CDK14: variants seen among roughly 807,000 people sequenced by gnomAD.
CDK14 encodes the protein cyclin-dependent kinase 14.
In CDK14, 34 loss-of-function variants were observed where a neutral mutation model predicts 60.7. The ratio of observed to expected loss-of-function variants is 0.56; its 90% CI spans 0.43 to 0.75. The LOEUF is 0.75. Ranked by LOEUF, CDK14 falls within the 30% of genes least tolerant of loss-of-function variation. CDK14 has a pLI of 0.00. For synonymous variants in CDK14, 197 were observed against 203.7 expected, an observed-to-expected ratio of 0.97 and a Z score of 0.28; for missense variants, 482 against 564.1, an observed-to-expected ratio of 0.85 and a Z score of 1.47.
chr7:91,073,556 A>T (rs1400775486), intron 11 of CDK14, among the ~76,000 whole-genome samples: 1 of 152,182 alleles, frequency 6.6e-6, no homozygotes, highest in Non-Finnish European at 1.5e-5. Context: ...AACACACCAA[A>T]ATATAAAGAC....
At chr7:90,781,766 A>G (rs1330667697) in intron 4 of CDK14, among the ~76,000 whole-genome samples, 1 of 151,570 alleles carries the variant, frequency 6.6e-6, no homozygotes, top group Non-Finnish European at 1.5e-5. Context: ...GTTCTGTTCC[A>G]TTGATCTATA....
intron 4 of CDK14, among the ~76,000 whole-genome samples, chr7:90,750,771 G>T (rs1229345998): frequency 6.6e-6 from 1 of 152,026 alleles, no homozygotes; most frequent in Non-Finnish European, 1.5e-5. Context: ...TACTCCAGAG[G>T]CTGAGGCATG....
chr7:90,862,940 G>A (rs956021116), intron 5 of CDK14, among the ~76,000 whole-genome samples: 2 of 152,142 alleles, frequency 1.3e-5, no homozygotes, highest in African/African-American at 4.8e-5. Context: ...AGCTTGTCAG[G>A]AGGCTGAAGA....
chr7:90,852,146 C>T (rs1562798532), intron 5 of CDK14, among the ~76,000 whole-genome samples: 1 of 152,166 alleles, frequency 6.6e-6, no homozygotes, highest in Non-Finnish European at 1.5e-5. Context: ...GTCCTCCCAC[C>T]TCCACCTTTC....
chr7:90,756,395 T>G (rs1804059052), intron 4 of CDK14, among the ~76,000 whole-genome samples: 1 of 152,232 alleles, frequency 6.6e-6, no homozygotes, highest in South Asian at 2.1e-4. Context: ...TATGCCTGAA[T>G]AAAAGAAAGA....
chr7:91,137,723 T>G (rs1800329846), intron 14 of CDK14, among the ~76,000 whole-genome samples: 2 of 150,344 alleles, frequency 1.3e-5, no homozygotes, highest in South Asian at 4.3e-4. Flanking sequence ...TGTATGTGTG[T>G]GTGTGTGTGT....
chr7:90,671,329 A>G (rs1801094922), intron 2 of CDK14, among the ~76,000 whole-genome samples: 1 of 151,676 alleles, frequency 6.6e-6, no homozygotes. Context: ...TTACTGAGCC[A>G]CCATCTCCCT....
chr7:91,118,037 A>T, intron 13 of CDK14, 28 bp from the exon 14 acceptor site: 1 of 1,293,882 alleles, frequency 7.7e-7, no homozygotes, highest in Non-Finnish European at 1.1e-6. Flanking sequence ...ATAACTATAT[A>T]AATGAAAACT....
intron 3 of CDK14, among the ~76,000 whole-genome samples, chr7:90,744,661 C>T (rs1213523145): frequency 1.1e-4 from 17 of 148,430 alleles, no homozygotes; most frequent in South Asian, 2.1e-4. Context: ...ACCTCCCTCC[C>T]GGACGGGGCG....
At chr7:91,107,001 G>A (rs1799323530) in intron 12 of CDK14, among the ~76,000 whole-genome samples, 1 of 152,216 alleles carries the variant, frequency 6.6e-6, no homozygotes, top group African/African-American at 2.4e-5. Context: ...CTAGGACACA[G>A]GAGAATCAAA....
chr7:90,632,699 A>T (rs1343206990), intron 2 of CDK14: 1 of 152,242 alleles, frequency 6.6e-6, no homozygotes, highest in African/African-American at 2.4e-5. Flanking sequence ...TAAAAGCTTT[A>T]CTTGTTTTAA....
At chr7:91,061,761 G>C (rs900423465) in intron 11 of CDK14, among the ~76,000 whole-genome samples, 3 of 152,224 alleles carry the variant, frequency 2.0e-5, no homozygotes, top group Non-Finnish European at 2.9e-5. Context: ...TCCTCTGGAA[G>C]TTTTGTCTCA....
chr7:90,638,975 G>T (rs1322771254), intron 2 of CDK14, among the ~76,000 whole-genome samples: 1 of 152,074 alleles, frequency 6.6e-6, no homozygotes, highest in Non-Finnish European at 1.5e-5. Context: ...TTGGCTTTCA[G>T]GTCCATCAGC....
chr7:90,756,757 C>T (rs1338102184), intron 4 of CDK14, among the ~76,000 whole-genome samples: 1 of 152,150 alleles, frequency 6.6e-6, no homozygotes, highest in Non-Finnish European at 1.5e-5. Context: ...TACTCCTCAC[C>T]ATTCTCTCAT....
chr7:90,829,729 C>T (rs1789852205), intron 5 of CDK14, among the ~76,000 whole-genome samples: 1 of 152,162 alleles, frequency 6.6e-6, no homozygotes, highest in African/African-American at 2.4e-5. Context: ...GACAGGGTTT[C>T]ACCATGTTGG....
chr7:91,106,008 G>A (rs1041738341), intron 12 of CDK14, among the ~76,000 whole-genome samples: 19 of 152,168 alleles, frequency 1.2e-4, no homozygotes, highest in African/African-American at 4.6e-4. Flanking sequence ...TGGAAAACAT[G>A]AAAGAGTAAA....
At chr7:90,898,941 G>T (rs1447904148) in intron 6 of CDK14, among the ~76,000 whole-genome samples, 1 of 151,886 alleles carries the variant, frequency 6.6e-6, no homozygotes, top group Non-Finnish European at 1.5e-5. Context: ...GAAAATATGG[G>T]ATAATTGACA....
intron 11 of CDK14, among the ~76,000 whole-genome samples, chr7:91,046,641 TAA>T (rs1476635652): frequency 1.3e-5 from 2 of 152,174 alleles, no homozygotes; most frequent in African/African-American, 4.8e-5. Context: ...GAAAATTTAA[TAA>T]AATCAGTAGA....
chr7:90,621,528 T>A (rs1799764433), intron 2 of CDK14, among the ~76,000 whole-genome samples: 1 of 152,222 alleles, frequency 6.6e-6, no homozygotes, highest in Admixed American at 6.5e-5. Context: ...ACCTAGTAGG[T>A]GCTGAATAAA....
Sources: gnomAD v4.1 joint callset for allele counts (sites outside exome capture counted in the v4.1 genomes callset) on GRCh38, gnomAD v4.1.1 for gene constraint, MANE v1.5 for transcripts, NCBI Gene and HGNC (gene_info 2026-07-23, HGNC 2026-07-21) for gene names.